PIWIL1: variants seen among roughly 807,000 people sequenced by gnomAD.
PIWIL1 encodes the protein piwi-like protein 1.
Under a neutral mutation model 114.4 loss-of-function variants are expected in PIWIL1, and 73 were observed. The observed-to-expected ratio is 0.64, with a 90% CI of 0.53 to 0.78. The LOEUF is 0.78. PIWIL1 is among the 30% of genes least tolerant of loss of function. PIWIL1 has a pLI of 0.00. For synonymous variants in PIWIL1, 375 were observed against 369.0 expected (o/e 1.02, Z -0.19); for missense variants, 723 against 1,063.1 (o/e 0.68, Z 4.45).
At chr12:130,407,824 T>C in the PIWIL1 span, 6 of 1,613,570 alleles carry the variant, frequency 3.7e-6, no homozygotes, top group Non-Finnish European at 5.1e-6. Context: ...CTTCTCCTGC[T>C]TCTCTCTGTT....
chr12:130,361,544 C>T lies in PIWIL1; in HGVS notation c.1913C>T (p.Thr638Ile). The change falls in exon 16 of 21, where the codon ACA becomes ATA. Residue 638 changes from threonine (T) to isoleucine (I), a missense_variant. Around this residue, in one of 8 missense-constraint regions of PIWIL1, gnomAD observed 298 missense variants for 420.8 expected, o/e 0.71. Coordinates refer to ENST00000245255, the MANE Select transcript of PIWIL1 (RefSeq NM_004764.5). ...IVGIDCYHDMTAGRRSIAGFV... is the reference protein window; with the variant it reads ...IVGIDCYHDMIAGRRSIAGFV... ...GGCATCGATTGTTACCATGACATGACAGCTGGGCGGAGGTCAATCGCAGGA... is the reference window on the plus strand; with the variant it reads ...GGCATCGATTGTTACCATGACATGATAGCTGGGCGGAGGTCAATCGCAGGA... The T allele has an allele frequency of 6.2e-7, 1 of 1,614,192 alleles. No individual in the cohort carries two copies. The highest frequency in any genetic ancestry group is 8.5e-7 in the Non-Finnish European group (1 of 1,180,036).
rs76365628 is a variant in PIWIL1, at chr12:130,368,352, C to A, written c.2321+1094C>A. On this transcript the variant is annotated intron_variant, in intron 19 of 20. Coordinates refer to ENST00000245255, the MANE Select transcript of PIWIL1 (RefSeq NM_004764.5). ...TGTGGAACACTTCTCCTGTGTGAAT[C>A]TTGGGTAAATGAGGCAATACTATAG... Among the ~76,000 whole-genome samples the A allele has an allele frequency of 5.1e-3, 769 of 152,076 alleles. 6 individuals are homozygous for A. Among genetic ancestry groups the A allele is most frequent in the African/African-American group, 0.018 (729 of 41,490 alleles).
At chr12:130,373,547 C>T (rs2073844389), downstream of PIWIL1, among the ~76,000 whole-genome samples, 1 of 152,112 alleles carries the variant, frequency 6.6e-6, no homozygotes, top group African/African-American at 2.4e-5. Context: ...TTGTCATCAT[C>T]CTAGGTAACA....
the PIWIL1 span, among the ~76,000 whole-genome samples, chr12:130,417,892 T>C: frequency 6.6e-6 from 1 of 151,764 alleles, no homozygotes; most frequent in East Asian, 1.9e-4. Context: ...TGACAGATAA[T>C]ATTGGTCTGA....
the PIWIL1 span, chr12:130,422,579 A>C: frequency 1.9e-6 from 3 of 1,543,994 alleles, no homozygotes; most frequent in Non-Finnish European, 2.7e-6. This position sits in a 1 kb window ranked among gnomAD's most constrained non-coding sequence, Gnocchi z 5.2. Context: ...CAAAACAACA[A>C]CAAAGTCGTA....
chr12:130,400,226 G>A, the PIWIL1 span, among the ~76,000 whole-genome samples: 14 of 152,190 alleles, frequency 9.2e-5, no homozygotes, highest in Non-Finnish European at 1.8e-4. Context: ...ACCTTCAGAC[G>A]GTGGGGACCT....
the PIWIL1 span, among the ~76,000 whole-genome samples, chr12:130,386,456 ATTCACCCATGCACACTACC>A: frequency 1.7e-4 from 18 of 104,476 alleles, no homozygotes; most frequent in Admixed American, 1.8e-3. Context: ...TCCTGTCTCC[ATTCACCCATGCACACTACC>A]CCTTCCTGTC....
chr12:130,371,687 T>C lies in PIWIL1; in HGVS notation c.*89T>C, dbSNP rs2073820580. 1.2e-6 allele frequency: 1 copy of C among 801,504 alleles called. No homozygotes were observed. Among genetic ancestry groups the C allele is most frequent in the Non-Finnish European group, 2.0e-6 (1 of 491,328 alleles). 49.6% of individuals were successfully genotyped at this position (801,504 alleles called of 1,614,324 possible). A position where few individuals can be genotyped will look rare whatever the true frequency, so the allele number is the denominator to read the frequency against. On this transcript the variant is annotated 3_prime_UTR_variant, in exon 21 of 21. Coordinates refer to ENST00000245255, the MANE Select transcript of PIWIL1 (RefSeq NM_004764.5). ...ATTTACTTTTTTTTTAACTGTTATC[T>C]TTCTGGATGAAACTTGGGAAGGGGA...
the PIWIL1 span, chr12:130,397,780 G>A: frequency 2.9e-6 from 1 of 341,016 alleles, no homozygotes; most frequent in South Asian, 1.5e-4. Context: ...GGGAGTGCGG[G>A]GTGGCCGTTG....
At chr12:130,378,095 A>G in the PIWIL1 span, among the ~76,000 whole-genome samples, 1 of 152,236 alleles carries the variant, frequency 6.6e-6, no homozygotes, top group Non-Finnish European at 1.5e-5. Flanking sequence ...CTCTGGATCT[A>G]CTGCCACCAT....
At chr12:130,399,537 A>G in the PIWIL1 span, 3 of 875,284 alleles carry the variant, frequency 3.4e-6, no homozygotes, top group Non-Finnish European at 5.2e-6. Flanking sequence ...TACAACTCCC[A>G]TGGCTTCAGG....
chr12:130,408,645 G>A, the PIWIL1 span, among the ~76,000 whole-genome samples: 2 of 152,176 alleles, frequency 1.3e-5, no homozygotes. Context: ...GTGCAGAGCC[G>A]CAGAACCTGG....
the PIWIL1 span, among the ~76,000 whole-genome samples, chr12:130,393,007 A>T: frequency 1.0e-5 from 1 of 95,554 alleles, no homozygotes; most frequent in Non-Finnish European, 2.2e-5. Context: ...TGAGTATTGA[A>T]TGTTGTGATG....
chr12:130,362,888 A>G, intron 17 of PIWIL1, 52 bp downstream of exon 17: 1 of 1,610,784 alleles, frequency 6.2e-7, no homozygotes, highest in Non-Finnish European at 8.5e-7. Flanking sequence ...GGTCTTCCAG[A>G]AATTACCCTG....
the PIWIL1 span, chr12:130,396,591 A>T: frequency 6.6e-6 from 1 of 152,666 alleles, no homozygotes; most frequent in African/African-American, 2.4e-5. Context: ...TGGCATTTTG[A>T]CAACGAAAGT....
the PIWIL1 span, chr12:130,422,318 T>C: frequency 5.3e-6 from 3 of 568,380 alleles, no homozygotes; most frequent in East Asian, 8.5e-5. The surrounding 1 kb of genome is among the most constrained non-coding windows in gnomAD (Gnocchi z 5.2). Flanking sequence ...GTTCCTGCCT[T>C]CTTTTTGCCA....
intron 19 of PIWIL1, among the ~76,000 whole-genome samples, chr12:130,367,766 T>C (rs539000529): frequency 6.6e-6 from 1 of 152,296 alleles, no homozygotes; most frequent in East Asian, 1.9e-4. Context: ...GAAATGGCCT[T>C]AGTAGCACGG....
At chr12:130,422,673 T>A in the PIWIL1 span, 1 of 734,962 alleles carries the variant, frequency 1.4e-6, no homozygotes, top group Admixed American at 2.4e-5. The surrounding 1 kb of genome is among the most constrained non-coding windows in gnomAD (Gnocchi z 5.2). Flanking sequence ...GCAACTAAAC[T>A]TAGCTTTTAA....
chr12:130,409,181 A>T, the PIWIL1 span, among the ~76,000 whole-genome samples: 1 of 152,284 alleles, frequency 6.6e-6, no homozygotes, highest in African/African-American at 2.4e-5. Context: ...TGTGATAAGC[A>T]CACACAGTCC....
Sources: gnomAD v4.1 joint callset for allele counts (sites outside exome capture counted in the v4.1 genomes callset) on GRCh38, gnomAD v4.1.1 for gene constraint, gnomAD v4.1.1 regional missense constraint, Gnocchi (gnomAD v3.1) non-coding constraint, MANE v1.5 for transcripts, NCBI Gene and HGNC (gene_info 2026-07-23, HGNC 2026-07-21) for gene names.